Variants in CDIN1 observed in about 807,000 individuals in gnomAD.
CDIN1 encodes CDAN1 interacting nuclease 1.
A neutral mutation model predicts 45.3 loss-of-function variants in CDIN1; 33 were observed. The observed-to-expected ratio is 0.73, with a 90% CI of 0.55 to 0.97. The LOEUF (loss-of-function observed/expected upper bound fraction) is 0.97. Ranked by LOEUF, CDIN1 falls within the 50% of genes least tolerant of loss-of-function variation. The probability of loss-of-function intolerance (pLI) is 0.00; values close to 1 mark genes in which losing one functional copy is unlikely to be tolerated. For synonymous variants in CDIN1, 118 were observed against 124.4 expected, an observed-to-expected ratio of 0.95 and a Z score of 0.34; for missense variants, 303 against 339.4, an observed-to-expected ratio of 0.89 and a Z score of 0.84.
intron 1 of CDIN1, among the ~76,000 whole-genome samples, chr15:36,633,075 C>T (rs1211615102): frequency 1.3e-5 from 2 of 152,082 alleles, no homozygotes; most frequent in East Asian, 3.9e-4. Flanking sequence ...TCAATTTATC[C>T]AACTCCTCCT....
intron 1 of CDIN1, among the ~76,000 whole-genome samples, chr15:36,597,482 T>C (rs1236105163): frequency 6.6e-6 from 1 of 152,232 alleles, no homozygotes; most frequent in African/African-American, 2.4e-5. Flanking sequence ...GACATAAAGC[T>C]GTAAGGGTTA....
At chr15:36,626,501 C>T (rs1319137393) in intron 1 of CDIN1, among the ~76,000 whole-genome samples, 1 of 152,118 alleles carries the variant, frequency 6.6e-6, no homozygotes, top group Non-Finnish European at 1.5e-5. Flanking sequence ...GATAGAGTTT[C>T]AAGGTATGTT....
intron 1 of CDIN1, among the ~76,000 whole-genome samples, chr15:36,584,419 C>T (rs1420866939): frequency 3.3e-5 from 5 of 152,142 alleles, no homozygotes. Context: ...TGAGCCACAA[C>T]AGTTAGACTC....
At chr15:36,739,292 C>T (rs1362767742) in intron 10 of CDIN1, among the ~76,000 whole-genome samples, 1 of 152,178 alleles carries the variant, frequency 6.6e-6, no homozygotes, top group African/African-American at 2.4e-5. Context: ...GTAGTTCCAG[C>T]TAGTTGGGAG....
chr15:36,698,537 G>A (rs2042518449), intron 8 of CDIN1, among the ~76,000 whole-genome samples: 1 of 152,136 alleles, frequency 6.6e-6, no homozygotes, highest in African/African-American at 2.4e-5. Context: ...TAATCAAAAG[G>A]AAAATACGTA....
At chr15:36,804,335 C>CGAG (rs1470266194) in intron 10 of CDIN1, among the ~76,000 whole-genome samples, 1 of 152,002 alleles carries the variant, frequency 6.6e-6, no homozygotes, top group African/African-American at 2.4e-5. Flanking sequence ...ATTGCCATGC[C>CGAG]GAGGCAATGG....
intron 1 of CDIN1, among the ~76,000 whole-genome samples, chr15:36,602,598 C>G (rs1400327853): frequency 1.3e-5 from 2 of 152,120 alleles, no homozygotes; most frequent in African/African-American, 4.8e-5. Context: ...GGTGGCCACC[C>G]TGTATTTTGG....
At chr15:36,627,675 C>T (rs1481055067) in intron 1 of CDIN1, 3 of 152,384 alleles carry the variant, frequency 2.0e-5, no homozygotes, top group Non-Finnish European at 4.4e-5. Flanking sequence ...TCCATCCGAT[C>T]TACAGGGTCC....
At chr15:36,602,395 A>G (rs1329965210) in intron 1 of CDIN1, among the ~76,000 whole-genome samples, 1 of 152,204 alleles carries the variant, frequency 6.6e-6, no homozygotes, top group African/African-American at 2.4e-5. Flanking sequence ...TCTTTTGGCA[A>G]GTATTTTTGG....
intron 10 of CDIN1, among the ~76,000 whole-genome samples, chr15:36,761,883 A>G (rs2053772984): frequency 6.6e-6 from 1 of 152,202 alleles, no homozygotes; most frequent in Non-Finnish European, 1.5e-5. Context: ...TAAAATAGAG[A>G]TTGCCACCAA....
At position 36,621,114 on chromosome 15, in the gene CDIN1, G is replaced by C. The variant is rs546889934; in HGVS notation, c.102-23164G>C. Among the ~76,000 whole-genome samples, 2 of 152,254 alleles carry C rather than the reference G, an allele frequency of 1.3e-5. 1 individual carries two copies. The highest frequency in any genetic ancestry group is 1.3e-4 in the Admixed American group (2 of 15,292). The stretch of plus-strand genomic sequence containing the variant: ...ATGTTTAGAGTTCTATGTAAGGTGG[G>C]TTTTATTTTTCTTTTAAGGGATAAT... On this transcript the variant is annotated intron_variant, in intron 1 of 10. Transcript: ENST00000566621.
At chr15:36,655,786 T>C (rs527588604) in intron 4 of CDIN1, among the ~76,000 whole-genome samples, 1 of 152,330 alleles carries the variant, frequency 6.6e-6, no homozygotes, top group African/African-American at 2.4e-5. Flanking sequence ...AAGAATGTGA[T>C]GCAAATATGG....
At chr15:36,706,204 A>T (rs974461603) in intron 8 of CDIN1, 12 of 152,254 alleles carry the variant, frequency 7.9e-5, no homozygotes, top group Non-Finnish European at 1.2e-4. Context: ...ATATATCAAC[A>T]GATCAGTAGC....
chr15:36,616,399 C>T (rs889306877), intron 1 of CDIN1, among the ~76,000 whole-genome samples: 3 of 152,004 alleles, frequency 2.0e-5, no homozygotes, highest in Admixed American at 2.0e-4. Context: ...TCCCCTGCCT[C>T]AGCCTCCCAA....
intron 1 of CDIN1, among the ~76,000 whole-genome samples, chr15:36,589,064 G>T (rs1314632555): frequency 6.6e-6 from 1 of 152,034 alleles, no homozygotes; most frequent in Non-Finnish European, 1.5e-5. Context: ...GCAATAAGGA[G>T]AAATTATATA....
At chr15:36,689,544 A>G (rs1364456974) in intron 5 of CDIN1, among the ~76,000 whole-genome samples, 3 of 152,148 alleles carry the variant, frequency 2.0e-5, no homozygotes, top group Non-Finnish European at 2.9e-5. Flanking sequence ...GTCTGCCATT[A>G]CCATGTGGTG....
intron 10 of CDIN1, among the ~76,000 whole-genome samples, chr15:36,792,864 A>G (rs1299224280): frequency 6.6e-6 from 1 of 152,050 alleles, no homozygotes; most frequent in African/African-American, 2.4e-5. Flanking sequence ...TTGGTCTGCT[A>G]TACCGTGCCC....
chr15:36,748,991 C>G (rs1450232125), intron 10 of CDIN1, among the ~76,000 whole-genome samples: 1 of 152,102 alleles, frequency 6.6e-6, no homozygotes, highest in Non-Finnish European at 1.5e-5. Flanking sequence ...AGTAGGCCAT[C>G]GCACAGAGAC....
intron 10 of CDIN1, among the ~76,000 whole-genome samples, chr15:36,805,429 G>A (rs1012187051): frequency 7.2e-5 from 11 of 151,998 alleles, no homozygotes; most frequent in South Asian, 4.2e-4. Flanking sequence ...AAGTCTCTTT[G>A]ATTTTTATTG....
Sources: allele counts gnomAD v4.1 joint callset (sites outside exome capture counted in the v4.1 genomes callset), GRCh38; gene constraint gnomAD v4.1.1; transcripts MANE v1.5; gene names NCBI Gene and HGNC (gene_info 2026-07-23, HGNC 2026-07-21).